Variants in NPHP4 observed in about 807,000 individuals in gnomAD.
NPHP4 encodes nephrocystin 4.
Under a neutral mutation model 155.8 loss-of-function variants are expected in NPHP4, and 151 were observed. That is an observed-to-expected ratio of 0.97 (90% CI 0.85 to 1.11). The LOEUF is 1.11. NPHP4 is among the 50% of genes least tolerant of loss of function. The pLI, the probability that NPHP4 is intolerant of heterozygous loss-of-function variation, is 0.00. For missense variants in NPHP4, 1,956 were observed against 1,925.7 expected (o/e 1.02, Z -0.29); for synonymous variants, 845 against 816.8 (o/e 1.03, Z -0.59).
In NPHP4 at chr1:5,890,776, C is replaced by T; in HGVS notation, c.2304+92G>A. 2.3e-6 allele frequency: 3 copies of T among 1,280,342 alleles called. No individual in the cohort carries two copies. The highest frequency in any genetic ancestry group is 2.8e-5 in the South Asian group (2 of 71,434). The allele number at this position is 1,280,342 out of a possible 1,614,324, so 79.3% of individuals were successfully genotyped here. On this transcript the variant is annotated intron_variant, in intron 17 of 29. Coordinates refer to ENST00000378156, the MANE Select transcript of NPHP4 (RefSeq NM_015102.5). This position sits in a 1 kb window ranked among gnomAD's most constrained non-coding sequence, Gnocchi z 4.9. ...AAACAAGTCCTGTGCGGGATAGCGCCCGCTCCTTCCAAGCAGACAGACGCT... is the reference window on the plus strand; with the variant it reads ...AAACAAGTCCTGTGCGGGATAGCGCTCGCTCCTTCCAAGCAGACAGACGCT...
intron 16 of NPHP4, among the ~76,000 whole-genome samples, chr1:5,901,127 CG>C (rs1217456357): frequency 1.3e-5 from 2 of 152,034 alleles, no homozygotes; most frequent in Admixed American, 6.6e-5. Flanking sequence ...GGAGGTCCTA[CG>C]GGAACTCTCT....
At chr1:5,914,082 A>C (rs1329829871) in intron 11 of NPHP4, among the ~76,000 whole-genome samples, 2 of 151,788 alleles carry the variant, frequency 1.3e-5, no homozygotes, top group African/African-American at 4.8e-5. Flanking sequence ...CCCCACCAAC[A>C]ACCCTCTCTC....
At chr1:5,884,084 C>A (rs868498890) in intron 18 of NPHP4, among the ~76,000 whole-genome samples, 1 of 152,198 alleles carries the variant, frequency 6.6e-6, no homozygotes, top group Non-Finnish European at 1.5e-5. Flanking sequence ...AGGGAACAAG[C>A]GGCAAAGGCA....
rs527347796 is a variant in NPHP4, at chr1:5,877,244, G to C, written c.2666C>G (p.Ala889Gly). Residue 889 changes from alanine (A) to glycine (G), a missense_variant, in exon 20 of 30, where the codon GCC becomes GGC. Coordinates refer to ENST00000378156, the MANE Select transcript of NPHP4 (RefSeq NM_015102.5). ...KLADVDSELA[A>G]MLLTHARQGK... ...CTGCCGGGCATGGGTCAGTAGCATGGCAGCCAGCTCACTGTCCACGTCCGC... is the reference window on the plus strand; with the variant it reads ...CTGCCGGGCATGGGTCAGTAGCATGCCAGCCAGCTCACTGTCCACGTCCGC... 1.2e-6 allele frequency: 2 copies of C among 1,608,584 alleles called. No homozygotes were observed. The highest frequency in any genetic ancestry group is 4.5e-5 in the East Asian group (2 of 44,680).
intron 3 of NPHP4, among the ~76,000 whole-genome samples, chr1:5,975,911 A>G (rs1224123338): frequency 1.3e-5 from 2 of 152,116 alleles, no homozygotes; most frequent in African/African-American, 2.4e-5. Context: ...GAGAGTAGGG[A>G]GATGGAAGCC....
At chr1:5,959,595 G>A (rs967910542) in intron 6 of NPHP4, among the ~76,000 whole-genome samples, 1 of 152,184 alleles carries the variant, frequency 6.6e-6, no homozygotes, top group Non-Finnish European at 1.5e-5. Flanking sequence ...GTCACAAAGT[G>A]ATGACTACCC....
intron 19 of NPHP4, chr1:5,879,268 G>C (rs1433693784): frequency 1.1e-5 from 3 of 280,780 alleles, no homozygotes; most frequent in African/African-American, 2.2e-5. Context: ...AACCTCTGGG[G>C]AAAATGCTCC....
intron 7 of NPHP4, among the ~76,000 whole-genome samples, chr1:5,948,768 G>C (rs1000270460): frequency 3.9e-5 from 6 of 152,166 alleles, no homozygotes; most frequent in African/African-American, 1.2e-4. Flanking sequence ...CTGAGACTGG[G>C]TGTACAAAGG....
chr1:5,868,014 C>A, intron 23 of NPHP4, 118 bp from the exon 24 acceptor site: 1 of 1,124,828 alleles, frequency 8.9e-7, no homozygotes, highest in Non-Finnish European at 1.3e-6. Context: ...CCCTCCACTG[C>A]CATGAGCGGG....
chr1:5,901,562 T>C (rs747005421), intron 16 of NPHP4, among the ~76,000 whole-genome samples: 17 of 152,250 alleles, frequency 1.1e-4, no homozygotes, highest in Non-Finnish European at 2.1e-4. Flanking sequence ...TGCAAGGAAA[T>C]TTAATTTGGG....
intron 6 of NPHP4, among the ~76,000 whole-genome samples, chr1:5,956,059 T>TGGGGGGGGGGGGGG (rs35135056): frequency 9.5e-6 from 1 of 105,490 alleles, no homozygotes. Flanking sequence ...TTCAAAAAGC[T>TGGGGGGGGGGGGGG]GGGGGGGGGG....
chr1:5,940,415 A>G (rs796195159), intron 9 of NPHP4, among the ~76,000 whole-genome samples: 23 of 152,286 alleles, frequency 1.5e-4, no homozygotes, highest in African/African-American at 5.5e-4. Context: ...TAAATGACCC[A>G]GTCTGTGGTA....
intron 2 of NPHP4, among the ~76,000 whole-genome samples, chr1:5,980,257 G>A (rs931126097): frequency 6.6e-6 from 1 of 152,166 alleles, no homozygotes; most frequent in Non-Finnish European, 1.5e-5. Flanking sequence ...CTCGTCTTGG[G>A]AGCCCTGAGT....
intron 22 of NPHP4, chr1:5,873,849 A>C: frequency 4.5e-6 from 1 of 223,826 alleles, no homozygotes; most frequent in Non-Finnish European, 8.8e-6. Flanking sequence ...CACACACACA[A>C]CTGCATGTCT....
rs1017761689 is a variant in NPHP4 at position 5,890,184 on chromosome 1, C to G, written c.2304+684G>C. Reference sequence around the variant, plus strand: ...GAAAAGTGGGGAAATCTCAGAGACTCAGGGGCTGCAATAATGACGCCACAT... The same window carrying G: ...GAAAAGTGGGGAAATCTCAGAGACTGAGGGGCTGCAATAATGACGCCACAT... On this transcript the variant is annotated intron_variant, in intron 17 of 29. Coordinates refer to ENST00000378156, the MANE Select transcript of NPHP4 (RefSeq NM_015102.5). The surrounding 1 kb of genome is among the most constrained non-coding windows in gnomAD (Gnocchi z 4.9). Among the ~76,000 whole-genome samples the G allele has an allele frequency of 1.8e-4, 27 of 152,120 alleles. No homozygotes were observed. Among genetic ancestry groups the G allele is most frequent in the African/African-American group, 6.3e-4 (26 of 41,412 alleles).
At chr1:5,897,747 G>GGAC (rs951214870) in intron 16 of NPHP4, among the ~76,000 whole-genome samples, 1 of 152,084 alleles carries the variant, frequency 6.6e-6, no homozygotes, top group Non-Finnish European at 1.5e-5. Flanking sequence ...TACACATGGG[G>GGAC]GACAAATGGG....
intron 6 of NPHP4, 115 bp from the exon 7 acceptor site, chr1:5,952,951 C>G: frequency 1.1e-6 from 1 of 901,474 alleles, no homozygotes; most frequent in South Asian, 1.7e-5. Context: ...ACGAAGGGTG[C>G]TCGGGACTCC....
chr1:5,961,088 C>CA (rs1650234115), intron 6 of NPHP4, among the ~76,000 whole-genome samples: 1 of 152,202 alleles, frequency 6.6e-6, no homozygotes, highest in Non-Finnish European at 1.5e-5. Flanking sequence ...ACTTTGAAGA[C>CA]ATTTCACTCT....
In NPHP4 at chr1:5,910,205, G is replaced by A. The variant is rs11576910; in HGVS notation, c.1442-992C>T. ...CCTCTGCCCACTCAGAGGCCAGGGT[G>A]GGAGCCCTGCACACTGAGTCATCTG... On this transcript the variant is annotated intron_variant, in intron 11 of 29. Coordinates refer to ENST00000378156, the MANE Select transcript of NPHP4 (RefSeq NM_015102.5). The surrounding 1 kb of genome is among the most constrained non-coding windows in gnomAD (Gnocchi z 5.4). 0.14 allele frequency among the ~76,000 whole-genome samples: 21,785 copies of A among 152,152 alleles called. 1,868 individuals carry two copies. Among genetic ancestry groups the A allele is most frequent in the Non-Finnish European group, 0.2 (13,832 of 67,974 alleles).
Sources: allele counts gnomAD v4.1 joint callset (sites outside exome capture counted in the v4.1 genomes callset), GRCh38; gene constraint gnomAD v4.1.1; non-coding constraint Gnocchi (gnomAD v3.1); transcripts MANE v1.5; gene names NCBI Gene and HGNC (gene_info 2026-07-23, HGNC 2026-07-21).